MORF4L1: variants seen among roughly 807,000 people sequenced by gnomAD.
The protein encoded by MORF4L1 is mortality factor 4-like protein 1.
MORF4L1 carries 4 observed loss-of-function variants against 52.9 expected under a neutral mutation model. The observed-to-expected ratio is 0.08, with a 90% CI of 0.04 to 0.17. MORF4L1 has a LOEUF of 0.17. MORF4L1 is among the 10% of genes least tolerant of loss of function. MORF4L1 has a pLI of 1.00. For synonymous variants in MORF4L1, 123 were observed against 134.8 expected, an observed-to-expected ratio of 0.91 and a Z score of 0.61; for missense variants, 214 against 390.4, an observed-to-expected ratio of 0.55 and a Z score of 3.81.
At chr15:78,891,967 T>C (rs934776182) in intron 7 of MORF4L1, among the ~76,000 whole-genome samples, 2 of 152,314 alleles carry the variant, frequency 1.3e-5, no homozygotes, top group African/African-American at 4.8e-5. Flanking sequence ...AGAGGAACCT[T>C]ACTGAAGAAT....
intron 2 of MORF4L1, among the ~76,000 whole-genome samples, chr15:78,880,288 T>A (rs781252412): frequency 6.6e-6 from 1 of 152,252 alleles, no homozygotes; most frequent in Non-Finnish European, 1.5e-5. Context: ...ATCCATTGAT[T>A]AAAGATTTAA....
Position 78,880,666 on chromosome 15 carries a change from C to CTGCAGTTTTAATGTAA in MORF4L1, c.155+89_155+104dup, listed in dbSNP as rs1596241694. On this transcript the variant is annotated intron_variant, in intron 3 of 11. Transcript: ENST00000426013. The stretch of plus-strand genomic sequence containing the variant: ...CTTAGCAAGCATATGCTTTTCAATT[C>CTGCAGTTTTAATGTAA]TGCAGTTTTAATGTAATATAGTACA... 28 of 947,868 alleles carry CTGCAGTTTTAATGTAA rather than the reference C, an allele frequency of 3.0e-5. No individual in the cohort carries two copies. The East Asian group carries it at 7.2e-4, about 24-fold the overall frequency. The allele number at this position is 947,868 out of a possible 1,614,324, so 58.7% of individuals were successfully genotyped here.
rs1013376691 is a variant in MORF4L1 at position 78,876,283 on chromosome 15, C to A, written c.41-1930C>A. Among the ~76,000 whole-genome samples the A allele has an allele frequency of 1.1e-4, 16 of 150,766 alleles. 1 individual carries two copies. The highest frequency in any genetic ancestry group is 3.9e-4 in the African/African-American group (16 of 40,702). On this transcript the variant is annotated intron_variant, in intron 1 of 11. Transcript: ENST00000426013. ...TCTTGTAAACTTGTTAAAAAAAAAA[C>A]AACTCGTAAACTTATAAAAAAGTTT...
chr15:78,891,610 T>C, intron 7 of MORF4L1, 38 bp downstream of exon 7: 1 of 1,493,358 alleles, frequency 6.7e-7, no homozygotes, highest in Admixed American at 1.7e-5. Context: ...CATGTTAGGA[T>C]TTTTAGTCTC....
At chr15:78,887,656 G>C (rs1043975499) in intron 5 of MORF4L1, among the ~76,000 whole-genome samples, 1 of 152,188 alleles carries the variant, frequency 6.6e-6, no homozygotes, top group Non-Finnish European at 1.5e-5. Context: ...AACCTAAAAA[G>C]CAAGTGCTGG....
Position 78,894,660 on chromosome 15 carries a change from G to A in MORF4L1, c.803-160G>A, listed in dbSNP as rs151236471. 27 of 599,766 alleles carry A rather than the reference G, an allele frequency of 4.5e-5. No homozygotes were observed. In the Admixed American group the frequency reaches 7.2e-4, roughly 16 times the overall value. The allele number at this position is 599,766 out of a possible 1,614,324, so 37.2% of individuals were successfully genotyped here. ...CTGACCTCAAGCGATCGCCTATCTC[G>A]GCCTCCCAAAGTGCTGGGATTACAG... is the stretch of plus-strand genomic sequence containing the variant. On this transcript the variant is annotated intron_variant, in intron 10 of 11. Transcript: ENST00000426013.
In MORF4L1 at chr15:78,897,633, CATG is replaced by C. The variant is rs1272764515; in HGVS notation, c.*569_*571del. On this transcript the variant is annotated 3_prime_UTR_variant, in exon 12 of 12. Transcript: ENST00000426013. ...TATTTGTGTCTAATGCACGTTTTAA[CATG>C]ATAGACGCAATGCATTGTGTAGCTA... is the stretch of plus-strand genomic sequence containing the variant. The C allele has an allele frequency of 1.3e-5, 2 of 152,722 alleles. No individual in the cohort carries two copies. The highest frequency in any genetic ancestry group is 2.9e-5 in the Non-Finnish European group (2 of 68,106). The allele number at this position is 152,722 out of a possible 1,614,324, so 9.5% of individuals were successfully genotyped here. A position where few individuals can be genotyped will look rare whatever the true frequency, so the allele number is the denominator to read the frequency against.
chr15:78,893,447 C>A, intron 8 of MORF4L1, 92 bp from the exon 9 acceptor site: 1 of 818,204 alleles, frequency 1.2e-6, no homozygotes, highest in Non-Finnish European at 2.1e-6. Flanking sequence ...AATACTGTTA[C>A]TGTTACCTGA....
intron 7 of MORF4L1, among the ~76,000 whole-genome samples, 162 bp from the exon 8 acceptor site, chr15:78,892,050 G>A (rs184870667): frequency 6.2e-4 from 94 of 152,256 alleles, no homozygotes; most frequent in Admixed American, 1.4e-3. Flanking sequence ...ACAGCGAACC[G>A]CGTATGGTCG....
intron 3 of MORF4L1, among the ~76,000 whole-genome samples, chr15:78,883,377 A>G (rs2056637538): frequency 6.6e-6 from 1 of 152,244 alleles, no homozygotes. Context: ...CATATAATAG[A>G]TAACCCTGTA....
chr15:78,893,447 C>T, intron 8 of MORF4L1, 92 bp from the exon 9 acceptor site: 4 of 818,206 alleles, frequency 4.9e-6, no homozygotes, highest in South Asian at 4.3e-5. Flanking sequence ...AATACTGTTA[C>T]TGTTACCTGA....
chr15:78,878,341 G>T (rs1403493059), intron 2 of MORF4L1, 82 bp downstream of exon 2: 4 of 1,292,794 alleles, frequency 3.1e-6, no homozygotes, highest in Non-Finnish European at 4.3e-6. Flanking sequence ...ACAGTATTTT[G>T]TTGTTGCCTC....
intron 4 of MORF4L1, among the ~76,000 whole-genome samples, chr15:78,886,771 C>T (rs1017886896): frequency 2.0e-5 from 3 of 152,066 alleles, no homozygotes; most frequent in South Asian, 2.1e-4. Context: ...CTGGCTAACA[C>T]GGTGAAACCC....
chr15:78,890,727 C>T (rs940921156), intron 5 of MORF4L1: 1 of 230,678 alleles, frequency 4.3e-6, no homozygotes, highest in Admixed American at 6.0e-5. Context: ...GAGATCCACC[C>T]CCTCTTCACC....
intron 2 of MORF4L1, 93 bp from the exon 3 acceptor site, chr15:78,880,419 A>G (rs2056579683): frequency 9.3e-6 from 8 of 861,824 alleles, no homozygotes; most frequent in Non-Finnish European, 1.5e-5. Context: ...GGCCACCATA[A>G]AGCTTGTGTA....
At chr15:78,885,664 A>G (rs182767978) in intron 3 of MORF4L1, among the ~76,000 whole-genome samples, 526 of 152,336 alleles carry the variant, frequency 3.5e-3, no homozygotes, top group Non-Finnish European at 5.5e-3. Context: ...ATGTATTCTC[A>G]TAACAGTTAT....
At chr15:78,885,449 T>G (rs1333624695) in intron 3 of MORF4L1, among the ~76,000 whole-genome samples, 2 of 152,266 alleles carry the variant, frequency 1.3e-5, no homozygotes, top group Non-Finnish European at 2.9e-5. Flanking sequence ...TTCTAATATT[T>G]AGAAAGCCAG....
At chr15:78,891,459 G>A (rs1395098833) in intron 6 of MORF4L1, 25 bp from the exon 7 acceptor site, 1 of 1,581,102 alleles carries the variant, frequency 6.3e-7, no homozygotes. Context: ...AGCTAAATGA[G>A]ACCCCTCCCC....
At chr15:78,894,724 A>G (rs1357670686) in intron 10 of MORF4L1, 96 bp from the exon 11 acceptor site, 1 of 962,776 alleles carries the variant, frequency 1.0e-6, no homozygotes, top group South Asian at 1.4e-5. Flanking sequence ...CATGTATTTT[A>G]AAGGAATTGG....
Sources: gnomAD v4.1 joint callset for allele counts (sites outside exome capture counted in the v4.1 genomes callset) on GRCh38, gnomAD v4.1.1 for gene constraint, MANE v1.5 for transcripts, NCBI Gene and HGNC (gene_info 2026-07-23, HGNC 2026-07-21) for gene names.